The following TBC1D5 variants were observed in gnomAD, a reference collection of about 807,000 sequenced individuals.
TBC1D5 encodes the protein TBC1 domain family, member 5.
Under a neutral mutation model 100.3 loss-of-function variants are expected in TBC1D5, and 75 were observed. That is an observed-to-expected ratio of 0.75 (90% CI 0.62 to 0.91). TBC1D5 has a LOEUF of 0.91. TBC1D5 is among the 40% of genes least tolerant of loss of function. TBC1D5 has a pLI of 0.00. For synonymous variants in TBC1D5, 323 were observed against 325.6 expected (o/e 0.99, Z 0.09); for missense variants, 910 against 942.4 (o/e 0.97, Z 0.45).
At chr3:17,338,933 G>A (rs2088401423) in intron 13 of TBC1D5, among the ~76,000 whole-genome samples, 1 of 152,114 alleles carries the variant, frequency 6.6e-6, no homozygotes, top group African/African-American at 2.4e-5. Flanking sequence ...CTGCCTTAAA[G>A]GAATACTGCC....
intron 1 of TBC1D5, among the ~76,000 whole-genome samples, chr3:17,639,771 T>C (rs2064320302): frequency 6.6e-6 from 1 of 152,106 alleles, no homozygotes; most frequent in Non-Finnish European, 1.5e-5. Flanking sequence ...CATCAAATCC[T>C]AGACGTGAAG....
chr3:17,437,295 A>G (rs906472704), intron 3 of TBC1D5, among the ~76,000 whole-genome samples: 7 of 152,174 alleles, frequency 4.6e-5, no homozygotes, highest in Non-Finnish European at 8.8e-5. Context: ...TGATAACACA[A>G]AACAGACTAA....
At chr3:17,241,358 G>A (rs1434159500) in intron 16 of TBC1D5, among the ~76,000 whole-genome samples, 1 of 152,074 alleles carries the variant, frequency 6.6e-6, no homozygotes. Context: ...TGGACAGCAG[G>A]GATTAGACTG....
intron 18 of TBC1D5, among the ~76,000 whole-genome samples, chr3:17,196,700 C>T (rs751688205): frequency 6.6e-6 from 1 of 152,184 alleles, no homozygotes; most frequent in Admixed American, 6.5e-5. Flanking sequence ...AATGGATTAA[C>T]TCTAAAATTT....
At chr3:17,173,550 G>A (rs1015000643) in intron 19 of TBC1D5, among the ~76,000 whole-genome samples, 1 of 152,144 alleles carries the variant, frequency 6.6e-6, no homozygotes, top group African/African-American at 2.4e-5. Context: ...TGAGATGGGG[G>A]TAATACCCAT....
chr3:17,183,220 C>G (rs994076761), intron 19 of TBC1D5, among the ~76,000 whole-genome samples: 1 of 152,160 alleles, frequency 6.6e-6, no homozygotes, highest in Non-Finnish European at 1.5e-5. Flanking sequence ...CGGACACAGA[C>G]CTTTAACTGC....
chr3:17,481,394 G>A (rs1300129229), intron 3 of TBC1D5, among the ~76,000 whole-genome samples: 1 of 152,194 alleles, frequency 6.6e-6, no homozygotes, highest in African/African-American at 2.4e-5. Context: ...GCAGGCACAA[G>A]CAGTACTCAG....
intron 2 of TBC1D5, among the ~76,000 whole-genome samples, chr3:17,514,470 T>C (rs971298454): frequency 1.3e-5 from 2 of 152,126 alleles, no homozygotes; most frequent in Non-Finnish European, 2.9e-5. Flanking sequence ...AGGGTCAACA[T>C]ATAAGAACAA....
intron 19 of TBC1D5, among the ~76,000 whole-genome samples, chr3:17,178,267 A>G (rs921707461): frequency 1.3e-4 from 20 of 151,762 alleles, no homozygotes; most frequent in African/African-American, 2.7e-4. Context: ...GGGTTTCACC[A>G]TGTTAGCCAG....
intron 2 of TBC1D5, among the ~76,000 whole-genome samples, chr3:17,516,949 T>G (rs2095998001): frequency 6.6e-6 from 1 of 152,164 alleles, no homozygotes; most frequent in Non-Finnish European, 1.5e-5. Context: ...TCTTCGCACA[T>G]CCCCATCTCC....
At chr3:17,260,916 CAA>C (rs2078223388) in intron 15 of TBC1D5, among the ~76,000 whole-genome samples, 1 of 152,272 alleles carries the variant, frequency 6.6e-6, no homozygotes, top group East Asian at 1.9e-4. Flanking sequence ...TCCTTTTGTA[CAA>C]AGTCTTTGAA....
intron 13 of TBC1D5, among the ~76,000 whole-genome samples, chr3:17,357,278 T>C (rs895341314): frequency 6.6e-5 from 10 of 152,142 alleles, no homozygotes; most frequent in African/African-American, 2.4e-4. Context: ...TGGGCAGCAA[T>C]GCAAAGAAAG....
At chr3:17,639,765 A>G (rs536691481) in intron 1 of TBC1D5, among the ~76,000 whole-genome samples, 1 of 152,236 alleles carries the variant, frequency 6.6e-6, no homozygotes, top group South Asian at 2.1e-4. Context: ...AGACTACATC[A>G]AATCCTAGAC....
chr3:17,431,678 G>C (rs1210620489), intron 3 of TBC1D5, among the ~76,000 whole-genome samples: 1 of 151,930 alleles, frequency 6.6e-6, no homozygotes, highest in African/African-American at 2.4e-5. Flanking sequence ...ATAAATTGCT[G>C]ATTTGCAAAA....
chr3:17,394,536 A>G (rs1241384650), intron 8 of TBC1D5, among the ~76,000 whole-genome samples: 1 of 152,160 alleles, frequency 6.6e-6, no homozygotes, highest in Non-Finnish European at 1.5e-5. Flanking sequence ...GTACTGGGAA[A>G]TATGAAGCTA....
chr3:17,341,964 C>A (rs1376610548), intron 13 of TBC1D5, among the ~76,000 whole-genome samples: 1 of 152,204 alleles, frequency 6.6e-6, no homozygotes, highest in African/African-American at 2.4e-5. Flanking sequence ...ATCTTCCCCA[C>A]TCCAACTCCA....
rs553492798 is a variant in TBC1D5 at position 17,563,283 on chromosome 3, G to A, written c.-35-54678C>T. Reference sequence around the variant, plus strand: ...AGCGACATCAAATAGTTCGGTATGCGGGCCTGGAGGTCATAACAATAGCCT... The same window carrying A: ...AGCGACATCAAATAGTTCGGTATGCAGGCCTGGAGGTCATAACAATAGCCT... On this transcript the variant is annotated intron_variant, in intron 2 of 21. Transcript: ENST00000253692. 1.8e-4 allele frequency among the ~76,000 whole-genome samples: 28 copies of A among 152,290 alleles called. No individual in the cohort carries two copies. In the East Asian group the frequency reaches 4.1e-3, roughly 22 times the overall value.
rs532836602 is a variant in TBC1D5 at position 17,433,936 on chromosome 3, G to A, written c.98-5417C>T. 1.2e-4 allele frequency among the ~76,000 whole-genome samples: 18 copies of A among 152,288 alleles called. 1 individual carries two copies. In the South Asian group the frequency reaches 3.5e-3, roughly 30 times the overall value. The stretch of plus-strand genomic sequence containing the variant: ...ATGCAAGTCCAAAATCCAAGAGGCA[G>A]TAATTAAACTGTAAAGTACCAAAAT... On this transcript the variant is annotated intron_variant, in intron 3 of 21. Coordinates refer to ENST00000253692, the Ensembl canonical transcript of TBC1D5.
At chr3:17,194,359 G>C (rs2070367868) in intron 18 of TBC1D5, among the ~76,000 whole-genome samples, 1 of 152,170 alleles carries the variant, frequency 6.6e-6, no homozygotes, top group African/African-American at 2.4e-5. Context: ...GAGAGAAGCA[G>C]GGTGACAAGC....
Sources: allele counts gnomAD v4.1 joint callset (sites outside exome capture counted in the v4.1 genomes callset), GRCh38; gene constraint gnomAD v4.1.1; transcripts MANE v1.5; gene names NCBI Gene and HGNC (gene_info 2026-07-23, HGNC 2026-07-21).